TULP4: variants seen among roughly 807,000 people sequenced by gnomAD.
The protein encoded by TULP4 is TUB like protein 4.
TULP4 carries 16 observed loss-of-function variants against 129.0 expected under a neutral mutation model. The ratio of observed to expected loss-of-function variants is 0.12; its 90% CI spans 0.08 to 0.19. The LOEUF is 0.19. TULP4 is among the 10% of genes least tolerant of loss of function. The pLI, the probability that TULP4 is intolerant of heterozygous loss-of-function variation, is 1.00. For synonymous variants in TULP4, 998 were observed against 854.0 expected (o/e 1.17, Z -2.94); for missense variants, 1,842 against 2,059.1 (o/e 0.89, Z 2.04).
chr6:158,277,928 T>A (rs1778675697), upstream of TULP4, among the ~76,000 whole-genome samples: 1 of 152,204 alleles, frequency 6.6e-6, no homozygotes, highest in African/African-American at 2.4e-5. Flanking sequence ...TCTGTTTCCT[T>A]CACTCAGAGA....
intron 1 of TULP4, among the ~76,000 whole-genome samples, chr6:158,347,098 G>A (rs746179179): frequency 3.3e-5 from 5 of 152,116 alleles, no homozygotes; most frequent in African/African-American, 4.8e-5. Flanking sequence ...GTACTTGCCT[G>A]CACTTTGAGG....
intron 11 of TULP4, among the ~76,000 whole-genome samples, chr6:158,496,198 G>T (rs185274055): frequency 6.6e-6 from 1 of 152,204 alleles, no homozygotes; most frequent in African/African-American, 2.4e-5. Context: ...TGTCGTACAC[G>T]TCTGTCTGCA....
chr6:158,257,046 T>A (rs1778257734), intron 1 of TULP4, among the ~76,000 whole-genome samples: 1 of 152,162 alleles, frequency 6.6e-6, no homozygotes, highest in Non-Finnish European at 1.5e-5. Flanking sequence ...TGTTGAAATA[T>A]TTAGAAATTA....
chr6:158,480,080 A>G (rs994837017), intron 7 of TULP4, 105 bp downstream of exon 7: 4 of 869,588 alleles, frequency 4.6e-6, no homozygotes, highest in Non-Finnish European at 7.1e-6. Flanking sequence ...ACATGGGGCC[A>G]TGTGCAGCTG....
chr6:158,501,725 A>T lies in TULP4; in HGVS notation c.2062A>T (p.Asn688Tyr). ...VPENSPPCTV[N>Y]IPIAPIHSSA... ...TGAGAACAGCCCACCTTGTACCGTG[A>T]ACATCCCTATTGCACCGATCCACAG... is the stretch of plus-strand genomic sequence containing the variant. The change falls in exon 13 of 14, where the codon AAC (asparagine) becomes TAC (tyrosine). Residue 688 changes from asparagine to tyrosine, a missense_variant. Asn to Tyr is a moderately radical substitution (Grantham distance 143). This residue lies in a region of TULP4 where 99 missense variants were observed against 165.1 expected (regional missense o/e 0.60). Transcript: ENST00000367097. 1 of 1,614,056 alleles carries T rather than the reference A, an allele frequency of 6.2e-7. No individual in the cohort carries two copies. The highest frequency in any genetic ancestry group is 8.5e-7 in the Non-Finnish European group (1 of 1,179,938).
At chr6:158,270,717 TC>T (rs994591583) in intron 1 of TULP4, among the ~76,000 whole-genome samples, 1 of 152,236 alleles carries the variant, frequency 6.6e-6, no homozygotes, top group Non-Finnish European at 1.5e-5. Context: ...CAAAATTTCT[TC>T]CTGAAGTTTT....
At position 158,502,917 on chromosome 6, in the gene TULP4, A is replaced by G; in HGVS notation, c.3254A>G (p.Asn1085Ser). The G allele has an allele frequency of 1.9e-6, 3 of 1,613,930 alleles. No homozygotes were observed. The highest frequency in any genetic ancestry group is 1.3e-5 in the African/African-American group (1 of 74,992). The change falls in exon 13 of 14, where the codon AAC (asparagine) becomes AGC (serine). Residue 1085 changes from asparagine (N) to serine (S), a missense_variant. Physicochemically the swap from Asn to Ser is conservative, Grantham distance 46. This residue lies in a region of TULP4 where 1,089 missense variants were observed against 987.1 expected (regional missense o/e 1.10). Transcript: ENST00000367097. ...DSARDRTDYVNSAFTEDEALS... is the reference protein window; with the variant it reads ...DSARDRTDYVSSAFTEDEALS... Reference sequence around the variant, plus strand: ...GCCCGCGACCGCACCGACTACGTCAACTCGGCCTTCACGGAGGACGAGGCC... The same window carrying G: ...GCCCGCGACCGCACCGACTACGTCAGCTCGGCCTTCACGGAGGACGAGGCC...
intron 1 of TULP4, among the ~76,000 whole-genome samples, chr6:158,341,655 G>C (rs1033718740): frequency 5.9e-5 from 9 of 152,064 alleles, no homozygotes; most frequent in Non-Finnish European, 1.0e-4. Flanking sequence ...GCATGTCTCT[G>C]ATTAGTGATG....
At chr6:158,480,279 G>C (rs1055250826) in intron 7 of TULP4, among the ~76,000 whole-genome samples, 2 of 152,216 alleles carry the variant, frequency 1.3e-5, no homozygotes, top group Non-Finnish European at 2.9e-5. Context: ...ACTAAGCATT[G>C]CACCAGTTAA....
At chr6:158,444,087 GC>G (rs1246927491) in intron 3 of TULP4, among the ~76,000 whole-genome samples, 2 of 151,736 alleles carry the variant, frequency 1.3e-5, no homozygotes, top group Non-Finnish European at 2.9e-5. Context: ...TGGCGTGGTG[GC>G]GCAAGCCTGT....
chr6:158,359,091 C>A (rs1412422305), intron 1 of TULP4, among the ~76,000 whole-genome samples: 1 of 152,154 alleles, frequency 6.6e-6, no homozygotes, highest in East Asian at 1.9e-4. Context: ...TTAAGATAGC[C>A]TTCATAGGAA....
chr6:158,415,456 T>C (rs1340824517), intron 2 of TULP4, among the ~76,000 whole-genome samples: 1 of 151,200 alleles, frequency 6.6e-6, no homozygotes, highest in Non-Finnish European at 1.5e-5. Flanking sequence ...TTCACGCCAT[T>C]CTCCTGCTTC....
intron 1 of TULP4, among the ~76,000 whole-genome samples, chr6:158,235,012 CA>C (rs1471341674): frequency 1.3e-5 from 2 of 151,902 alleles, no homozygotes; most frequent in Non-Finnish European, 2.9e-5. Context: ...ACTAAAAATA[CA>C]AAAATTAACC....
chr6:158,481,461 T>A, intron 8 of TULP4, 172 bp downstream of exon 8: 1 of 658,830 alleles, frequency 1.5e-6, no homozygotes, highest in Non-Finnish European at 2.7e-6. Flanking sequence ...AATGAACAGT[T>A]CTCTAAATGT....
chr6:158,465,683 G>C (rs957406798), intron 6 of TULP4, among the ~76,000 whole-genome samples: 6 of 152,198 alleles, frequency 3.9e-5, no homozygotes, highest in African/African-American at 1.4e-4. Flanking sequence ...AGTCTCAAGA[G>C]GTCCTGAGAA....
chr6:158,266,720 G>A (rs1291716595), intron 1 of TULP4, among the ~76,000 whole-genome samples: 6 of 152,200 alleles, frequency 3.9e-5, no homozygotes, highest in Admixed American at 1.3e-4. Context: ...TAGAGATGAT[G>A]TATATGAGGG....
intron 2 of TULP4, among the ~76,000 whole-genome samples, chr6:158,415,739 G>A (rs1167495284): frequency 2.6e-5 from 4 of 151,842 alleles, no homozygotes; most frequent in Non-Finnish European, 1.5e-5. Context: ...AGAAGGCATT[G>A]TTATCATAGG....
At chr6:158,268,000 ATCTTTTCTTT>A (rs145400679) in intron 1 of TULP4, among the ~76,000 whole-genome samples, 8,656 of 127,296 alleles carry the variant, frequency 0.068, 302 homozygotes, top group East Asian at 0.096. Context: ...CATTTGTTTG[ATCTTTTCTTT>A]TCTTTTCTTT....
intron 1 of TULP4, among the ~76,000 whole-genome samples, chr6:158,364,814 G>A (rs1406633030): frequency 2.0e-5 from 3 of 152,126 alleles, no homozygotes; most frequent in African/African-American, 7.2e-5. Flanking sequence ...TTGGCTCACT[G>A]CAAGCTCTGC....
Sources: gnomAD v4.1 joint callset for allele counts (sites outside exome capture counted in the v4.1 genomes callset) on GRCh38, gnomAD v4.1.1 for gene constraint, gnomAD v4.1.1 regional missense constraint, MANE v1.5 for transcripts, NCBI Gene and HGNC (gene_info 2026-07-23, HGNC 2026-07-21) for gene names.